Variants in STARD8 observed in about 807,000 individuals in gnomAD.
The protein encoded by STARD8 is stAR-related lipid transfer protein 8.
In STARD8, 25 loss-of-function variants were observed where a neutral mutation model predicts 69.4. That is an observed-to-expected ratio of 0.36 (90% CI 0.26 to 0.50). The LOEUF (loss-of-function observed/expected upper bound fraction) is 0.50, where lower values mean the gene tolerates loss of function less well. Ranked by LOEUF, STARD8 falls within the 20% of genes least tolerant of loss-of-function variation. STARD8 has a pLI of 0.96. For missense variants in STARD8, 921 were observed against 932.5 expected (o/e 0.99, Z 0.16); for synonymous variants, 389 against 374.6 (o/e 1.04, Z -0.45).
At chrX:68,706,205 G>A (rs1358454492) in intron 2 of STARD8, among the ~76,000 whole-genome samples, 1 of 112,235 alleles carries the variant, frequency 8.9e-6, no homozygotes, top group Admixed American at 9.4e-5. Flanking sequence ...AGGCCAGCCA[G>A]GGTCCAGCAC....
chrX:68,709,228 A>G (rs2080031353), intron 2 of STARD8, among the ~76,000 whole-genome samples: 1 of 111,795 alleles, frequency 8.9e-6, no homozygotes, highest in Admixed American at 9.4e-5. Flanking sequence ...CCCTACTCCA[A>G]ACTCCTTTGC....
chrX:68,718,519 G>C lies in STARD8; in HGVS notation c.1605G>C (p.Gly535=), dbSNP rs750791940. The C allele has an allele frequency of 1.5e-5, 18 of 1,210,963 alleles. No homozygotes were observed. Among genetic ancestry groups the C allele is most frequent in the Non-Finnish European group, 2.0e-5 (18 of 895,370 alleles). ...VASSSELDSS[G]NSMNEAEAAG... is the part of the protein sequence containing the mutation. ...CCTCCAGCGAACTTGACAGTAGTGG[G>C]AACTCCATGAATGAGGCTGAGGCTG... is the stretch of plus-strand genomic sequence containing the variant. Residue 535 remains glycine, a synonymous_variant, in exon 6 of 15, where the codon GGG becomes GGC. Transcript: ENST00000374599.
chrX:68,720,876 C>T, intron 8 of STARD8, 48 bp from the exon 9 acceptor site: 5 of 1,144,180 alleles, frequency 4.4e-6, no homozygotes, highest in South Asian at 1.9e-5. Flanking sequence ...AGTCTGCCTC[C>T]TACTCATGCA....
At chrX:68,680,554 C>T (rs765091788) in intron 2 of STARD8, among the ~76,000 whole-genome samples, 1 of 112,719 alleles carries the variant, frequency 8.9e-6, no homozygotes, top group East Asian at 2.8e-4. Flanking sequence ...GACACCAAAG[C>T]AGCTTTTCTT....
At position 68,722,424 on chromosome X, in the gene STARD8, GC is replaced by G; in HGVS notation, c.2581del (p.Gln861ArgfsTer34). 1 of 1,194,820 alleles carries G rather than the reference GC, an allele frequency of 8.4e-7. No individual in the cohort carries two copies. Among genetic ancestry groups the G allele is most frequent in the Admixed American group, 2.3e-5 (1 of 44,269 alleles). The part of the protein sequence containing the change: ...ISDCKKLFQV[P>X]QDMVLQLCSS... The stretch of plus-strand genomic sequence containing the variant: ...CCATTGTGTGTGTGCCCTCTCAGGT[GC>G]CCCAGGACATGGTGCTGCAGCTGTG... On this transcript the variant is annotated frameshift_variant, in exon 12 of 15. Coordinates refer to ENST00000374599, the MANE Select transcript of STARD8 (RefSeq NM_001142503.3). LOFTEE classifies it high-confidence loss of function.
chrX:68,718,319 C>G lies in STARD8; in HGVS notation c.1405C>G (p.Gln469Glu). The part of the protein sequence containing the change: ...EVQPAVLAPA[Q>E]APAEAEPVAQ... ...CCAGCCAGCAGTCCTGGCTCCGGCTCAGGCTCCAGCTGAGGCTGAACCAGT... is the reference window on the plus strand; with the variant it reads ...CCAGCCAGCAGTCCTGGCTCCGGCTGAGGCTCCAGCTGAGGCTGAACCAGT... Residue 469 changes from glutamine (Q) to glutamate (E), a missense_variant, in exon 6 of 15, where the codon CAG becomes GAG. By Grantham distance (29) the Gln-to-Glu change is conservative. Transcript: ENST00000374599. 6 of 1,210,513 alleles carry G rather than the reference C, an allele frequency of 5.0e-6. No individual in the cohort carries two copies. Among genetic ancestry groups the G allele is most frequent in the Non-Finnish European group, 6.7e-6 (6 of 894,941 alleles).
Position 68,717,443 on chromosome X carries a change from C to A in STARD8, c.529C>A (p.Arg177Ser), listed in dbSNP as rs1046647715. Residue 177 changes from arginine (R) to serine (S), a missense_variant, in exon 6 of 15, where the codon CGT (arginine) becomes AGT (serine). Physicochemically the swap from Arg to Ser is moderately radical, Grantham distance 110. Coordinates refer to ENST00000374599, the MANE Select transcript of STARD8 (RefSeq NM_001142503.3). The part of the protein sequence containing the change: ...PEPADLPLPG[R>S]APSSSDRPLL... ...GCCAGCAGACTTGCCCTTGCCAGGC[C>A]GTGCCCCCAGCTCGAGTGACCGGCC... 8.3e-7 allele frequency: 1 copy of A among 1,210,204 alleles called. No homozygotes were observed. The highest frequency in any genetic ancestry group is 1.8e-5 in the South Asian group (1 of 56,786).
chrX:68,690,216 T>C (rs758499176), intron 2 of STARD8, among the ~76,000 whole-genome samples: 17 of 110,657 alleles, frequency 1.5e-4, no homozygotes, highest in Non-Finnish European at 3.0e-4. Context: ...GGGGCTGGTC[T>C]GAGTGTAATT....
intron 2 of STARD8, among the ~76,000 whole-genome samples, 167 bp downstream of exon 2, chrX:68,665,699 T>C (rs191908754): frequency 7.1e-5 from 8 of 112,272 alleles, no homozygotes; most frequent in Admixed American, 4.7e-4. Context: ...GCTGTCCTCC[T>C]CGGGCCCTGC....
chrX:68,717,286 G>T lies in STARD8; in HGVS notation c.372G>T (p.Trp124Cys). The stretch of plus-strand genomic sequence containing the variant: ...CCTTCCAGCAGGAAAGTAAGTGCTG[G>T]TCTCCTATGGGGTCCTCTGATCTGT... ...HWAFQQESKCWSPMGSSDLLA... is the reference protein window; with the variant it reads ...HWAFQQESKCCSPMGSSDLLA... Residue 124 changes from tryptophan (W) to cysteine (C), a missense_variant, in exon 6 of 15, where the codon TGG becomes TGT. Transcript: ENST00000374599. The T allele has an allele frequency of 8.3e-7, 1 of 1,204,955 alleles. No homozygotes were observed. The highest frequency in any genetic ancestry group is 1.1e-6 in the Non-Finnish European group (1 of 892,208).
At chrX:68,724,255 G>T (rs762194948) in intron 14 of STARD8, 50 bp from the exon 15 acceptor site, 5 of 1,187,934 alleles carry the variant, frequency 4.2e-6, no homozygotes, top group Middle Eastern at 4.7e-4. Flanking sequence ...CCTGGTGAGG[G>T]CTCTGGGGAA....
chrX:68,681,325 A>T lies in STARD8; in HGVS notation c.79+15793A>T, dbSNP rs775321049. On this transcript the variant is annotated intron_variant, in intron 2 of 14. Transcript: ENST00000374599. ...ACCTGTGTCTGGTCATTTTCCACTT[A>T]CGAAGTGCTCTCAAATCCATTATCT... Among the ~76,000 whole-genome samples the T allele has an allele frequency of 2.4e-3, 264 of 111,505 alleles. 1 individual carries two copies. The highest frequency in any genetic ancestry group is 3.6e-3 in the Non-Finnish European group (190 of 53,072).
In STARD8 at chrX:68,725,683, GAC is replaced by G. The variant is rs200490130; in HGVS notation, c.*1269_*1270del. 0.017 allele frequency: 1,791 copies of G among 106,777 alleles called. 17 individuals carry two copies. The highest frequency in any genetic ancestry group is 0.025 in the Non-Finnish European group (1,295 of 51,901). The allele number at this position is 106,777 out of a possible 1,213,427, so 8.8% of individuals were successfully genotyped here. A position where few individuals can be genotyped will look rare whatever the true frequency, so the allele number is the denominator to read the frequency against. ...ATATATACACACACGCATTTGCACAGACACACACATATATCAATTCTCATGAG... is the reference window on the plus strand; with the variant it reads ...ATATATACACACACGCATTTGCACAGACACACATATATCAATTCTCATGAG... On this transcript the variant is annotated 3_prime_UTR_variant, in exon 15 of 15. Transcript: ENST00000374599.
At chrX:68,711,613 TC>T (rs2080051672) in intron 2 of STARD8, among the ~76,000 whole-genome samples, 1 of 111,700 alleles carries the variant, frequency 9.0e-6, no homozygotes, top group Non-Finnish European at 1.9e-5. Flanking sequence ...ACTTCTGACT[TC>T]CCCCACTCTT....
At chrX:68,651,549 C>T (rs1001686292) in intron 1 of STARD8, among the ~76,000 whole-genome samples, 1 of 111,395 alleles carries the variant, frequency 9.0e-6, no homozygotes, top group Non-Finnish European at 1.9e-5. Flanking sequence ...GGGGAATGGC[C>T]GGGACAGATC....
chrX:68,718,362 A>AGGCCCC lies in STARD8; in HGVS notation c.1455_1460dup (p.Pro493_Ala494dup), dbSNP rs749854705. ...GAACCAGTGGCACAGGAAGAGGCTG[A>AGGCCCC]GGCCCCGGCCCCAGCCCCGGCCCCG... is the stretch of plus-strand genomic sequence containing the variant. On this transcript the variant is annotated inframe_insertion, in exon 6 of 15. Transcript: ENST00000374599. The AGGCCCC allele has an allele frequency of 3.3e-6, 4 of 1,204,178 alleles. No individual in the cohort carries two copies. The highest frequency in any genetic ancestry group is 1.7e-5 in the African/African-American group (1 of 57,167).
chrX:68,718,580 C>T lies in STARD8; in HGVS notation c.1666C>T (p.Arg556Cys), dbSNP rs759220671. 9.1e-6 allele frequency: 11 copies of T among 1,208,297 alleles called. No individual in the cohort carries two copies. The South Asian group carries it at 1.1e-4, about 12-fold the overall frequency. ...PLAGLQASMP[R>C]ERRDSGVGAS... ...GGCTGGACTCCAGGCATCAATGCCC[C>T]GTGAACGGCGCGATTCAGGTGTTGG... Residue 556 changes from arginine to cysteine, a missense_variant, in exon 6 of 15, where the codon CGT becomes TGT. Transcript: ENST00000374599.
rs1254910100 is a variant in STARD8, at chrX:68,647,698, G to GTC, written c.-184_-183dup. On this transcript the variant is annotated 5_prime_UTR_variant, in exon 1 of 15. Transcript: ENST00000374599. ...TTCCAGGAGGCGGGAGGCGCCCGCT[G>GTC]TCGAGGCAGCTGAGCCCCGGCAACC... The GTC allele has an allele frequency of 5.9e-6, 3 of 508,070 alleles. No individual in the cohort carries two copies. Among genetic ancestry groups the GTC allele is most frequent in the Non-Finnish European group, 9.2e-6 (3 of 324,820 alleles). 41.9% of individuals were successfully genotyped at this position (508,070 alleles called of 1,213,427 possible).
intron 2 of STARD8, among the ~76,000 whole-genome samples, chrX:68,704,567 T>C (rs1020703414): frequency 3.6e-5 from 4 of 110,653 alleles, no homozygotes; most frequent in African/African-American, 9.9e-5. Flanking sequence ...ACCCAACCAT[T>C]TGATGGAAAA....
Sources: gnomAD v4.1 joint callset for allele counts (sites outside exome capture counted in the v4.1 genomes callset) on GRCh38, gnomAD v4.1.1 for gene constraint, MANE v1.5 for transcripts, NCBI Gene and HGNC (gene_info 2026-07-23, HGNC 2026-07-21) for gene names.